The following ITGBL1 variants were observed in gnomAD, a reference collection of about 807,000 sequenced individuals.
The protein encoded by ITGBL1 is integrin subunit beta like 1.
In ITGBL1, 51 loss-of-function variants were observed where a neutral mutation model predicts 68.5. The observed-to-expected ratio is 0.74, with a 90% CI of 0.59 to 0.94. The LOEUF (loss-of-function observed/expected upper bound fraction) is 0.94. Among genes scored for constraint, ITGBL1 ranks in the 40% least tolerant of loss-of-function variants. The pLI, the probability that ITGBL1 is intolerant of heterozygous loss-of-function variation, is 0.00. For missense variants in ITGBL1, 649 were observed against 647.4 expected, an observed-to-expected ratio of 1.00 and a Z score of -0.03; for synonymous variants, 209 against 227.3, an observed-to-expected ratio of 0.92 and a Z score of 0.72.
chr13:101,580,086 A>T (rs1309018655), intron 5 of ITGBL1, among the ~76,000 whole-genome samples: 2 of 152,164 alleles, frequency 1.3e-5, no homozygotes, highest in Admixed American at 1.3e-4. Flanking sequence ...ATTCCTTGAA[A>T]ATACTTAATT....
intron 7 of ITGBL1, among the ~76,000 whole-genome samples, chr13:101,636,449 C>T (rs911655370): frequency 1.3e-5 from 2 of 152,130 alleles, no homozygotes; most frequent in Admixed American, 1.3e-4. Flanking sequence ...GGAATTGGCA[C>T]TCTGGATCAA....
In ITGBL1 at chr13:101,541,009, A is replaced by G. The variant is rs1329519287; in HGVS notation, c.317-26690A>G. 2.5e-5 allele frequency among the ~76,000 whole-genome samples: 3 copies of G among 121,580 alleles called. No individual in the cohort carries two copies. In the Admixed American group the frequency reaches 2.7e-4, roughly 11 times the overall value. 79.8% of individuals were successfully genotyped at this position (121,580 alleles called of 152,430 possible). On this transcript the variant is annotated intron_variant, in intron 2 of 10. Coordinates refer to ENST00000376180, the MANE Select transcript of ITGBL1 (RefSeq NM_004791.3). ...ATCACGTCATCTGCAAACAGGGACA[A>G]TTTGACTTCCTCTTTTCCTAATTGA... is the stretch of plus-strand genomic sequence containing the variant.
At chr13:101,554,308 T>C (rs560549469) in intron 2 of ITGBL1, among the ~76,000 whole-genome samples, 1 of 152,338 alleles carries the variant, frequency 6.6e-6, no homozygotes, top group East Asian at 1.9e-4. Context: ...TAGGTTGCTC[T>C]CAATCAATGT....
intron 7 of ITGBL1, among the ~76,000 whole-genome samples, chr13:101,613,884 C>T (rs2031241782): frequency 2.0e-5 from 3 of 152,146 alleles, no homozygotes; most frequent in South Asian, 2.1e-4. Flanking sequence ...GTATAACAGG[C>T]ACGGTCCTGC....
chr13:101,638,711 A>G (rs1413893951), intron 7 of ITGBL1, among the ~76,000 whole-genome samples: 1 of 152,178 alleles, frequency 6.6e-6, no homozygotes, highest in Non-Finnish European at 1.5e-5. Flanking sequence ...AACCACCCCC[A>G]TGATTCAATT....
Position 101,644,694 on chromosome 13 carries a change from A to C in ITGBL1, c.1015+46395A>C, listed in dbSNP as rs556796027. Among the ~76,000 whole-genome samples the C allele has an allele frequency of 1.8e-4, 28 of 152,366 alleles. No individual in the cohort carries two copies. The South Asian group carries it at 5.6e-3, about 30-fold the overall frequency. On this transcript the variant is annotated intron_variant, in intron 7 of 10. Transcript: ENST00000376180. ...AAAATGCGCTGTAACCATTTTGAAC[A>C]AAATGTAACTACGCCTCTGAATTTG...
chr13:101,693,220 A>T (rs1271563918), intron 8 of ITGBL1, among the ~76,000 whole-genome samples: 2 of 152,160 alleles, frequency 1.3e-5, no homozygotes, highest in Non-Finnish European at 2.9e-5. Context: ...ACCCACAAAA[A>T]TGAGAGTCCC....
intron 10 of ITGBL1, chr13:101,715,053 T>C (rs1469855): frequency 0.15 from 24,447 of 164,030 alleles, 2,267 homozygotes; most frequent in East Asian, 0.42. Context: ...GGTTATAAAT[T>C]CATTTGTTTA....
rs750541279 is a variant in ITGBL1, at chr13:101,567,732, G to A, written c.350G>A (p.Cys117Tyr). Residue 117 changes from cysteine (C) to tyrosine (Y), a missense_variant, in exon 3 of 11, where the codon TGT (cysteine) becomes TAT (tyrosine). Cys to Tyr is a radical substitution (Grantham distance 194). Coordinates refer to ENST00000376180, the MANE Select transcript of ITGBL1 (RefSeq NM_004791.3). ...HGKCDCGKCK[C>Y]DQGWYGDACQ... ...AAGTGTGACTGTGGCAAGTGCAAGT[G>A]TGACCAGGGATGGTATGGGGATGCT... 6.2e-7 allele frequency: 1 copy of A among 1,613,340 alleles called. No individual in the cohort carries two copies. The highest frequency in any genetic ancestry group is 1.1e-5 in the South Asian group (1 of 91,054).
intron 8 of ITGBL1, among the ~76,000 whole-genome samples, chr13:101,699,355 A>G (rs961217207): frequency 1.3e-5 from 2 of 151,956 alleles, no homozygotes; most frequent in East Asian, 3.9e-4. Context: ...TTCCAGTATG[A>G]CGTTTATCAT....
At chr13:101,667,968 GT>G (rs1463740039) in intron 7 of ITGBL1, among the ~76,000 whole-genome samples, 1 of 151,474 alleles carries the variant, frequency 6.6e-6, no homozygotes, top group East Asian at 1.9e-4. Flanking sequence ...AAATAAATTG[GT>G]TTTAAATTTG....
intron 2 of ITGBL1, among the ~76,000 whole-genome samples, chr13:101,490,446 T>C (rs2139058817): frequency 6.6e-6 from 1 of 152,330 alleles, no homozygotes; most frequent in Non-Finnish European, 1.5e-5. Flanking sequence ...CAGAGTCCTC[T>C]TAAGGAATAA....
chr13:101,463,055 GA>G (rs1217910656), intron 2 of ITGBL1, among the ~76,000 whole-genome samples: 1 of 152,118 alleles, frequency 6.6e-6, no homozygotes, highest in Non-Finnish European at 1.5e-5. Context: ...TGGTTGAAAA[GA>G]GGGCAATAAT....
intron 7 of ITGBL1, among the ~76,000 whole-genome samples, chr13:101,639,981 CA>C (rs1213704948): frequency 1.3e-5 from 2 of 152,154 alleles, no homozygotes; most frequent in African/African-American, 4.8e-5. Flanking sequence ...GTTTTAAATA[CA>C]GCATGTGGAC....
chr13:101,509,533 G>A (rs555315213), intron 2 of ITGBL1, among the ~76,000 whole-genome samples: 26 of 151,968 alleles, frequency 1.7e-4, no homozygotes, highest in African/African-American at 6.0e-4. Context: ...CATTGGACCC[G>A]GTTTACTTAG....
At position 101,607,106 on chromosome 13, in the gene ITGBL1, C is replaced by A. The variant is rs111479020; in HGVS notation, c.1015+8807C>A. ...ATATTTTATAAATGATGTGTTTATG[C>A]TCTTCTGTCAACAGCATTTATGTGC... On this transcript the variant is annotated intron_variant, in intron 7 of 10. Coordinates refer to ENST00000376180, the MANE Select transcript of ITGBL1 (RefSeq NM_004791.3). Among the ~76,000 whole-genome samples the A allele has an allele frequency of 9.2e-3, 1,400 of 151,942 alleles. 21 individuals are homozygous for A. The highest frequency in any genetic ancestry group is 0.031 in the African/African-American group (1,281 of 41,500).
chr13:101,535,098 G>A lies in ITGBL1; in HGVS notation c.317-32601G>A, dbSNP rs575578225. Among the ~76,000 whole-genome samples, 109 of 152,048 alleles carry A rather than the reference G, an allele frequency of 7.2e-4. 4 individuals carry two copies. In the South Asian group the frequency reaches 0.022, roughly 30 times the overall value. ...CACTTGGGATTGGCTTTCCATAATT[G>A]ACCCCAGAAAGAGGCTTTTCTTTCT... On this transcript the variant is annotated intron_variant, in intron 2 of 10. Coordinates refer to ENST00000376180, the MANE Select transcript of ITGBL1 (RefSeq NM_004791.3).
intron 2 of ITGBL1, among the ~76,000 whole-genome samples, chr13:101,508,748 C>A (rs9513907): frequency 0.1 from 15,756 of 151,976 alleles, 1,416 homozygotes; most frequent in African/African-American, 0.24. Flanking sequence ...TGATTTCTGT[C>A]ATTATTAAGA....
At chr13:101,454,526 C>A (rs1231147257) in intron 2 of ITGBL1, among the ~76,000 whole-genome samples, 7 of 151,986 alleles carry the variant, frequency 4.6e-5, no homozygotes, top group Non-Finnish European at 1.5e-5. Flanking sequence ...TCTCACTTGC[C>A]TCTAAAGTTC....
Sources: allele counts gnomAD v4.1 joint callset (sites outside exome capture counted in the v4.1 genomes callset), GRCh38; gene constraint gnomAD v4.1.1; transcripts MANE v1.5; gene names NCBI Gene and HGNC (gene_info 2026-07-23, HGNC 2026-07-21).